TBC1D30: variants seen among roughly 807,000 people sequenced by gnomAD.
The protein encoded by TBC1D30 is TBC1 domain family member 30.
TBC1D30 carries 31 observed loss-of-function variants against 63.2 expected under a neutral mutation model. The ratio of observed to expected loss-of-function variants is 0.49; its 90% CI spans 0.37 to 0.66. TBC1D30 has a LOEUF of 0.66. TBC1D30 is among the 30% of genes least tolerant of loss of function. The pLI, the probability that TBC1D30 is intolerant of heterozygous loss-of-function variation, is 0.00. For missense variants in TBC1D30, 810 were observed against 953.6 expected (o/e 0.85, Z 1.98); for synonymous variants, 307 against 361.5 (o/e 0.85, Z 1.71).
intron 7 of TBC1D30, among the ~76,000 whole-genome samples, chr12:64,842,506 A>G (rs915015890): frequency 6.6e-6 from 1 of 152,226 alleles, no homozygotes; most frequent in African/African-American, 2.4e-5. Flanking sequence ...TTCTTTATTT[A>G]CATGTAGAAC....
In TBC1D30 at chr12:64,796,624, T is replaced by C. The variant is rs2136310074; in HGVS notation, c.643+10579T>C. Among the ~76,000 whole-genome samples the C allele has an allele frequency of 2.0e-5, 3 of 152,274 alleles. No individual in the cohort carries two copies. The South Asian group carries it at 6.2e-4, about 32-fold the overall frequency. On this transcript the variant is annotated intron_variant, in intron 2 of 12. Coordinates refer to the TBC1D30 transcript ENST00000542120. ...TGACCATTTTTGTGTTTAGTTATAT[T>C]ATGAGAGAATACTTCTAGAAGTGGG...
upstream of TBC1D30, chr12:64,824,593 C>T (rs1021780612): frequency 3.2e-6 from 1 of 314,318 alleles, no homozygotes. Flanking sequence ...GTCTCCCACG[C>T]GCTCGCTCGC....
intron 1 of TBC1D30, among the ~76,000 whole-genome samples, chr12:64,772,952 G>A (rs1039154252): frequency 1.3e-5 from 2 of 152,184 alleles, no homozygotes; most frequent in African/African-American, 4.8e-5. Flanking sequence ...TAATAATTAA[G>A]TAGTAAACTA....
chr12:64,836,459 G>A, intron 5 of TBC1D30, 31 bp from the exon 6 acceptor site: 5 of 1,503,594 alleles, frequency 3.3e-6, no homozygotes, highest in Non-Finnish European at 4.4e-6. Flanking sequence ...TTTTTACAAA[G>A]CAGTCTTAAG....
chr12:64,781,005 AG>A lies in TBC1D30; in HGVS notation c.198del (p.Glu66AspfsTer17), dbSNP rs1301621143. On this transcript the variant is annotated frameshift_variant, in exon 1 of 13. Coordinates refer to the TBC1D30 transcript ENST00000542120. LOFTEE classifies it high-confidence loss of function. ...ACGTGGGACGGCGATGAGGACACGG[AG>A]CCCGGCGAGGCGTGCGGCGGCCGCA... The A allele has an allele frequency of 9.6e-7, 1 of 1,039,336 alleles. No individual in the cohort carries two copies. The highest frequency in any genetic ancestry group is 1.2e-6 in the Non-Finnish European group (1 of 860,538). The allele number at this position is 1,039,336 out of a possible 1,614,324, so 64.4% of individuals were successfully genotyped here. A position where few individuals can be genotyped will look rare whatever the true frequency, so the allele number is the denominator to read the frequency against.
At chr12:64,855,749 C>A (rs2136436103) in intron 8 of TBC1D30, among the ~76,000 whole-genome samples, 1 of 152,208 alleles carries the variant, frequency 6.6e-6, no homozygotes, top group Non-Finnish European at 1.5e-5. Flanking sequence ...CTTTTGAATT[C>A]TCTGTCTAAA....
upstream of TBC1D30, among the ~76,000 whole-genome samples, chr12:64,775,754 T>C (rs1387155200): frequency 6.6e-6 from 1 of 152,232 alleles, no homozygotes; most frequent in Non-Finnish European, 1.5e-5. Flanking sequence ...ATTCAGGACC[T>C]GAACTCAGCA....
At chr12:64,821,714 A>G (rs1592590395), upstream of TBC1D30, among the ~76,000 whole-genome samples, 1 of 152,334 alleles carries the variant, frequency 6.6e-6, no homozygotes, top group East Asian at 1.9e-4. Flanking sequence ...ATAGGCTGCA[A>G]CAGCCAATGA....
chr12:64,866,815 G>A lies in TBC1D30; in HGVS notation c.1203G>A (p.Glu401=), dbSNP rs1238671838. The change falls in exon 10 of 12, where the codon GAG becomes GAA. Residue 401 remains glutamate, a synonymous_variant. Coordinates refer to ENST00000539867, the MANE Select transcript of TBC1D30 (RefSeq NM_015279.2). ...DSDEENDPDD[E]DAVVNAVGCL... is the part of the protein sequence containing the mutation. ...ATGAAGAGAATGACCCAGACGATGA[G>A]GATGCTGTCGTTAATGCAGTGGGGT... 18 of 1,536,410 alleles carry A rather than the reference G, an allele frequency of 1.2e-5. No individual in the cohort carries two copies. The highest frequency in any genetic ancestry group is 1.6e-5 in the Non-Finnish European group (18 of 1,147,006).
chr12:64,802,747 T>G (rs1592564633), intron 2 of TBC1D30, among the ~76,000 whole-genome samples: 1 of 152,274 alleles, frequency 6.6e-6, no homozygotes, highest in East Asian at 1.9e-4. Flanking sequence ...ACATGTGGTG[T>G]TTGGTTTTCT....
At chr12:64,821,067 T>C (rs1217921982), upstream of TBC1D30, among the ~76,000 whole-genome samples, 1 of 152,224 alleles carries the variant, frequency 6.6e-6, no homozygotes, top group Non-Finnish European at 1.5e-5. Flanking sequence ...TAAAGAAAAG[T>C]ATTACAAGTA....
At chr12:64,858,821 CCTATAGT>C (rs1416622008) in intron 8 of TBC1D30, among the ~76,000 whole-genome samples, 1 of 152,100 alleles carries the variant, frequency 6.6e-6, no homozygotes, top group Non-Finnish European at 1.5e-5. Flanking sequence ...TCATCGGGAG[CCTATAGT>C]CTCCTAGAGC....
chr12:64,814,377 G>C (rs1040207761), intron 2 of TBC1D30, among the ~76,000 whole-genome samples: 1 of 151,848 alleles, frequency 6.6e-6, no homozygotes, highest in African/African-American at 2.4e-5. Flanking sequence ...TGTCAAATCA[G>C]CAGGATCCCA....
chr12:64,835,391 C>T (rs759004335), intron 5 of TBC1D30, among the ~76,000 whole-genome samples: 30 of 151,422 alleles, frequency 2.0e-4, no homozygotes, highest in East Asian at 3.9e-4. Context: ...TTTTGTGGGG[C>T]GGGTTAGGGG....
intron 1 of TBC1D30, among the ~76,000 whole-genome samples, chr12:64,766,423 C>T (rs1320186016): frequency 6.6e-6 from 1 of 151,960 alleles, no homozygotes; most frequent in Non-Finnish European, 1.5e-5. Flanking sequence ...GAAAAGTAGA[C>T]TTTATGACAA....
intron 3 of TBC1D30, 112 bp from the exon 4 acceptor site, chr12:64,830,265 G>A: frequency 9.7e-7 from 1 of 1,026,646 alleles, no homozygotes; most frequent in South Asian, 2.2e-5. Flanking sequence ...GCGATAGATA[G>A]CTGGTCTAGG....
intron 1 of TBC1D30, among the ~76,000 whole-genome samples, chr12:64,764,305 T>G (rs1203921617): frequency 6.6e-6 from 1 of 152,180 alleles, no homozygotes; most frequent in East Asian, 1.9e-4. Context: ...TTTTGACATG[T>G]TTTTCCAAGA....
upstream of TBC1D30, among the ~76,000 whole-genome samples, chr12:64,822,915 A>G (rs1054556798): frequency 6.6e-6 from 1 of 151,918 alleles, no homozygotes; most frequent in Non-Finnish European, 1.5e-5. Flanking sequence ...TCACTCCTCA[A>G]AGGAGCCTTA....
rs572837891 is a variant in TBC1D30, at chr12:64,827,169, G to A, written c.155-666G>A. ...GGCAATAATTCCTTTAAAAAATGGG[G>A]CCGGGTGCCGTGGCTCATGTCTGTA... is the stretch of plus-strand genomic sequence containing the variant. On this transcript the variant is annotated intron_variant, in intron 1 of 11. Coordinates refer to ENST00000539867, the MANE Select transcript of TBC1D30 (RefSeq NM_015279.2). Among the ~76,000 whole-genome samples the A allele has an allele frequency of 3.5e-3, 526 of 152,296 alleles. 4 individuals are homozygous for A. The highest frequency in any genetic ancestry group is 0.012 in the African/African-American group (499 of 41,558).
Sources: allele counts gnomAD v4.1 joint callset (sites outside exome capture counted in the v4.1 genomes callset), GRCh38; gene constraint gnomAD v4.1.1; transcripts MANE v1.5; gene names NCBI Gene and HGNC (gene_info 2026-07-23, HGNC 2026-07-21).